ACOXL: variants seen among roughly 807,000 people sequenced by gnomAD.
ACOXL encodes acyl-CoA oxidase like, also known as acyl-coenzyme A oxidase-like protein.
Under a neutral mutation model 71.9 loss-of-function variants are expected in ACOXL, and 70 were observed. The observed-to-expected ratio is 0.97, with a 90% CI of 0.80 to 1.19. ACOXL has a LOEUF of 1.19. ACOXL is among the 50% of genes most tolerant of loss of function. The pLI is 0.00. For missense variants in ACOXL, 703 were observed against 736.3 expected (o/e 0.95, Z 0.52); for synonymous variants, 253 against 281.6 (o/e 0.90, Z 1.02).
chr2:110,868,130 A>C (rs1221757819), intron 10 of ACOXL, among the ~76,000 whole-genome samples: 1 of 152,232 alleles, frequency 6.6e-6, no homozygotes, highest in Admixed American at 6.5e-5. Context: ...TTTGCAGACT[A>C]CATTTTTGTG....
intron 12 of ACOXL, among the ~76,000 whole-genome samples, chr2:110,967,529 C>A (rs1413913560): frequency 6.6e-6 from 1 of 152,194 alleles, no homozygotes; most frequent in African/African-American, 2.4e-5. Context: ...AAGGTTTCCA[C>A]ACTTCACTCA....
At chr2:110,886,776 T>C in intron 10 of ACOXL, 1 of 1,550,954 alleles carries the variant, frequency 6.4e-7, no homozygotes, top group Non-Finnish European at 8.7e-7. Context: ...TGTCCCTTTT[T>C]CTAGGTCCAG....
At chr2:110,918,985 G>T (rs1310836966) in intron 11 of ACOXL, among the ~76,000 whole-genome samples, 3 of 152,200 alleles carry the variant, frequency 2.0e-5, no homozygotes, top group Non-Finnish European at 2.9e-5. Context: ...CATTGTAGAA[G>T]ACAGTGTGGC....
chr2:110,972,489 A>ACCCC (rs1481324771), intron 12 of ACOXL, among the ~76,000 whole-genome samples: 1 of 152,106 alleles, frequency 6.6e-6, no homozygotes, highest in Non-Finnish European at 1.5e-5. Context: ...CCCCAGGGTC[A>ACCCC]CCCCCAGGAT....
At chr2:110,838,982 A>AGG (rs2105729735) in intron 9 of ACOXL, among the ~76,000 whole-genome samples, 2 of 152,332 alleles carry the variant, frequency 1.3e-5, no homozygotes, top group South Asian at 4.1e-4. Context: ...TTCCTTAACA[A>AGG]GGTGTCCTTT....
At chr2:111,011,136 A>G (rs1027866568) in intron 14 of ACOXL, among the ~76,000 whole-genome samples, 6 of 152,348 alleles carry the variant, frequency 3.9e-5, no homozygotes, top group South Asian at 2.1e-4. Flanking sequence ...AGTGAAATGT[A>G]TGGCAAAAAT....
intron 16 of ACOXL, among the ~76,000 whole-genome samples, chr2:111,051,478 T>C (rs1335412785): frequency 6.6e-6 from 1 of 152,172 alleles, no homozygotes; most frequent in Non-Finnish European, 1.5e-5. Flanking sequence ...ATATGATATA[T>C]ATTTTTTTGA....
rs1466436791 is a variant in ACOXL at position 110,987,312 on chromosome 2, T to C, written c.1169+95T>C. The C allele has an allele frequency of 5.1e-5, 58 of 1,138,710 alleles. 1 individual carries two copies. The East Asian group carries it at 1.5e-3, about 29-fold the overall frequency. The allele number at this position is 1,138,710 out of a possible 1,614,324, so 70.5% of individuals were successfully genotyped here. A position where few individuals can be genotyped will look rare whatever the true frequency, so the allele number is the denominator to read the frequency against. On this transcript the variant is annotated intron_variant, in intron 13 of 17. Coordinates refer to ENST00000439055, the MANE Select transcript of ACOXL (RefSeq NM_001142807.4). ...TGGCATAACTCACTCTTGCTTGAAA[T>C]TTTTAGTGTTTGCTGTATGCAAGAA...
intron 16 of ACOXL, among the ~76,000 whole-genome samples, chr2:111,076,680 A>G (rs1195140045): frequency 6.6e-6 from 1 of 151,966 alleles, no homozygotes; most frequent in Non-Finnish European, 1.5e-5. Flanking sequence ...TTAGTTTCCT[A>G]TGGCTACTGT....
intron 8 of ACOXL, among the ~76,000 whole-genome samples, chr2:110,802,221 C>G (rs1216847736): frequency 6.6e-6 from 1 of 152,104 alleles, no homozygotes; most frequent in South Asian, 2.1e-4. Context: ...TTCCTTCCCC[C>G]CCCTGCCATT....
At chr2:110,741,226 G>A (rs56238325) in intron 1 of ACOXL, among the ~76,000 whole-genome samples, 6,384 of 152,162 alleles carry the variant, frequency 0.042, 196 homozygotes, top group African/African-American at 0.07. Flanking sequence ...TAATGTACCC[G>A]GGCTAGGTGG....
At chr2:110,975,264 A>G (rs996969619) in intron 12 of ACOXL, among the ~76,000 whole-genome samples, 6 of 152,240 alleles carry the variant, frequency 3.9e-5, no homozygotes, top group African/African-American at 1.4e-4. Context: ...TTCAACTTTT[A>G]CAGTCAAAAA....
intron 10 of ACOXL, among the ~76,000 whole-genome samples, chr2:110,898,264 C>T (rs2059095302): frequency 6.6e-6 from 1 of 151,888 alleles, no homozygotes; most frequent in Middle Eastern, 3.2e-3. Context: ...ATATACTGAT[C>T]CCGGAACCAA....
chr2:110,967,480 A>G (rs1265779873), intron 12 of ACOXL, among the ~76,000 whole-genome samples: 1 of 152,244 alleles, frequency 6.6e-6, no homozygotes, highest in Non-Finnish European at 1.5e-5. Flanking sequence ...ACTTCAGACA[A>G]TTAAAAAGTG....
intron 10 of ACOXL, among the ~76,000 whole-genome samples, chr2:110,861,511 C>G (rs780773463): frequency 2.5e-4 from 38 of 152,090 alleles, no homozygotes; most frequent in Non-Finnish European, 4.1e-4. Context: ...CTATTCCCCC[C>G]ACTTCCCCTC....
chr2:110,868,870 C>A (rs1372568318), intron 10 of ACOXL, among the ~76,000 whole-genome samples: 1 of 152,198 alleles, frequency 6.6e-6, no homozygotes, highest in Admixed American at 6.5e-5. Context: ...GGATTGCAGG[C>A]GTGAGCCACT....
At chr2:111,043,052 CT>C (rs2065858674) in intron 15 of ACOXL, among the ~76,000 whole-genome samples, 1 of 152,240 alleles carries the variant, frequency 6.6e-6, no homozygotes, top group South Asian at 2.1e-4. Flanking sequence ...AGACCAAGAG[CT>C]TGTCTGCCAG....
chr2:111,000,214 G>C (rs771265740), intron 14 of ACOXL, among the ~76,000 whole-genome samples: 2 of 152,144 alleles, frequency 1.3e-5, no homozygotes, highest in Non-Finnish European at 2.9e-5. Flanking sequence ...TGGAGGAGGG[G>C]GATCCTTGTT....
At chr2:110,997,453 A>T (rs924265633) in intron 14 of ACOXL, among the ~76,000 whole-genome samples, 4 of 152,230 alleles carry the variant, frequency 2.6e-5, no homozygotes, top group Non-Finnish European at 4.4e-5. Flanking sequence ...AGAAAAAATT[A>T]GGCTAGCTGC....
Sources: allele counts gnomAD v4.1 joint callset (sites outside exome capture counted in the v4.1 genomes callset), GRCh38; gene constraint gnomAD v4.1.1; transcripts MANE v1.5; gene names NCBI Gene and HGNC (gene_info 2026-07-23, HGNC 2026-07-21).